Variants in GRID2 observed in about 807,000 individuals in gnomAD.
GRID2 encodes glutamate ionotropic receptor delta type subunit 2, also known as glutamate receptor ionotropic, delta-2.
GRID2 carries 33 observed loss-of-function variants against 114.8 expected under a neutral mutation model. The ratio of observed to expected loss-of-function variants is 0.29; its 90% CI spans 0.22 to 0.38. GRID2 has a LOEUF of 0.38. Among genes scored for constraint, GRID2 ranks in the 10% least tolerant of loss-of-function variants. GRID2 has a pLI of 1.00. For synonymous variants in GRID2, 505 were observed against 449.9 expected, an observed-to-expected ratio of 1.12 and a Z score of -1.55; for missense variants, 1,184 against 1,257.7, an observed-to-expected ratio of 0.94 and a Z score of 0.89.
At chr4:93,376,673 C>T (rs1008945797) in intron 8 of GRID2, among the ~76,000 whole-genome samples, 3 of 152,076 alleles carry the variant, frequency 2.0e-5, no homozygotes, top group Non-Finnish European at 4.4e-5. Context: ...TTTTCAGGGA[C>T]GTGGATGAAG....
At chr4:92,485,334 AT>A (rs1560662933) in intron 1 of GRID2, among the ~76,000 whole-genome samples, 10 of 102,564 alleles carry the variant, frequency 9.8e-5, no homozygotes, top group Non-Finnish European at 1.7e-4. Context: ...ATATATATAT[AT>A]ATATATATAT....
intron 3 of GRID2, among the ~76,000 whole-genome samples, chr4:93,097,550 A>G (rs1731329269): frequency 6.6e-6 from 1 of 151,894 alleles, no homozygotes; most frequent in South Asian, 2.1e-4. Flanking sequence ...TTCCAAAACC[A>G]TTCAATCAAA....
chr4:93,324,715 T>C (rs989759604), intron 8 of GRID2, among the ~76,000 whole-genome samples: 1 of 151,848 alleles, frequency 6.6e-6, no homozygotes, highest in Non-Finnish European at 1.5e-5. Flanking sequence ...AATTTCAGAG[T>C]CTGTTATTGG....
At chr4:92,949,477 G>A (rs1244856084) in intron 2 of GRID2, among the ~76,000 whole-genome samples, 1 of 151,980 alleles carries the variant, frequency 6.6e-6, no homozygotes, top group Non-Finnish European at 1.5e-5. Context: ...TACATTTTAA[G>A]AAGTGACTGA....
intron 2 of GRID2, among the ~76,000 whole-genome samples, chr4:92,595,554 T>C (rs1333822177): frequency 6.6e-6 from 1 of 152,064 alleles, no homozygotes; most frequent in African/African-American, 2.4e-5. Context: ...CCATTGCTCT[T>C]GTAAAAGGTA....
intron 2 of GRID2, among the ~76,000 whole-genome samples, chr4:92,935,199 AC>A (rs2149526250): frequency 1.4e-5 from 2 of 146,368 alleles, no homozygotes; most frequent in African/African-American, 2.4e-5. Context: ...CAAGAAAAAA[AC>A]AACCCCATCA....
intron 8 of GRID2, among the ~76,000 whole-genome samples, chr4:93,268,880 C>T (rs558860999): frequency 1.1e-4 from 16 of 152,164 alleles, no homozygotes; most frequent in Non-Finnish European, 1.8e-4. Context: ...TGGTAGCCCA[C>T]GGCCAATTAT....
At chr4:93,485,702 A>G (rs918946104) in intron 11 of GRID2, among the ~76,000 whole-genome samples, 1 of 151,724 alleles carries the variant, frequency 6.6e-6, no homozygotes, top group Non-Finnish European at 1.5e-5. Context: ...TGCATGGACA[A>G]CTTTCATTTA....
intron 1 of GRID2, 81 bp downstream of exon 1, chr4:92,304,825 G>C (rs112396350): frequency 2.0e-6 from 2 of 991,398 alleles, no homozygotes; most frequent in African/African-American, 1.6e-5. Context: ...CCCCCTCTCC[G>C]GTCTCTGTGT....
intron 2 of GRID2, among the ~76,000 whole-genome samples, chr4:92,894,679 C>A (rs1329819361): frequency 6.6e-6 from 1 of 152,038 alleles, no homozygotes; most frequent in African/African-American, 2.4e-5. Flanking sequence ...TTTAAAAGAA[C>A]AATTGTCTAA....
At chr4:92,383,897 A>G (rs188649025) in intron 1 of GRID2, among the ~76,000 whole-genome samples, 1 of 152,088 alleles carries the variant, frequency 6.6e-6, no homozygotes, top group East Asian at 1.9e-4. Context: ...AAAGTTTATG[A>G]CATTTCTTAT....
At chr4:93,409,532 T>C (rs557102083) in intron 9 of GRID2, among the ~76,000 whole-genome samples, 3 of 152,240 alleles carry the variant, frequency 2.0e-5, no homozygotes, top group Non-Finnish European at 2.9e-5. Context: ...AAAGTATAAG[T>C]AGATTTATTC....
intron 8 of GRID2, among the ~76,000 whole-genome samples, chr4:93,379,360 G>T (rs2149305541): frequency 6.6e-6 from 1 of 152,144 alleles, no homozygotes; most frequent in African/African-American, 2.4e-5. Context: ...TTGCACTTTT[G>T]CTCCCTCTGA....
At chr4:93,511,032 G>A (rs1207588982) in intron 12 of GRID2, among the ~76,000 whole-genome samples, 1 of 152,120 alleles carries the variant, frequency 6.6e-6, no homozygotes, top group Admixed American at 6.6e-5. Flanking sequence ...CGCCTTCTGG[G>A]TTCAAGTGAT....
intron 2 of GRID2, among the ~76,000 whole-genome samples, chr4:92,871,886 C>A (rs1745306140): frequency 6.6e-6 from 1 of 152,074 alleles, no homozygotes; most frequent in African/African-American, 2.4e-5. Flanking sequence ...CCTTGAGGGG[C>A]TCTTTTTCCT....
intron 2 of GRID2, among the ~76,000 whole-genome samples, chr4:92,962,852 C>A (rs921935514): frequency 2.0e-5 from 3 of 151,946 alleles, no homozygotes; most frequent in Non-Finnish European, 4.4e-5. Context: ...ATAGTTCCCA[C>A]AGAGGTTTCT....
chr4:92,772,077 T>C (rs1324767534), intron 2 of GRID2, among the ~76,000 whole-genome samples: 2 of 152,232 alleles, frequency 1.3e-5, no homozygotes, highest in Non-Finnish European at 2.9e-5. Flanking sequence ...ATTTTCTTCA[T>C]GGCCAGGTTT....
intron 2 of GRID2, among the ~76,000 whole-genome samples, chr4:93,065,811 T>A (rs1371326061): frequency 1.3e-5 from 2 of 151,898 alleles, no homozygotes; most frequent in African/African-American, 2.4e-5. Context: ...TAAGCTCCTG[T>A]TTAGCTGTAT....
intron 4 of GRID2, among the ~76,000 whole-genome samples, chr4:93,163,990 T>C (rs1579163377): frequency 6.6e-6 from 1 of 152,000 alleles, no homozygotes; most frequent in East Asian, 1.9e-4. Flanking sequence ...CCTATCCCTC[T>C]TCACATTGTC....
Sources: allele counts gnomAD v4.1 joint callset (sites outside exome capture counted in the v4.1 genomes callset), GRCh38; gene constraint gnomAD v4.1.1; transcripts MANE v1.5; gene names NCBI Gene and HGNC (gene_info 2026-07-23, HGNC 2026-07-21).